The following ADAMTSL1 variants were observed in gnomAD, a reference collection of about 807,000 sequenced individuals.
The protein encoded by ADAMTSL1 is ADAMTS-like protein 1.
In ADAMTSL1, 126 loss-of-function variants were observed where a neutral mutation model predicts 201.8. That is an observed-to-expected ratio of 0.62 (90% CI 0.54 to 0.72). The LOEUF (loss-of-function observed/expected upper bound fraction) is 0.72, where lower values mean the gene tolerates loss of function less well. Ranked by LOEUF, ADAMTSL1 falls within the 30% of genes least tolerant of loss-of-function variation. ADAMTSL1 has a pLI of 0.00. For synonymous variants in ADAMTSL1, 1,121 were observed against 903.4 expected (o/e 1.24, Z -4.32); for missense variants, 2,679 against 2,277.8 (o/e 1.18, Z -3.59).
At chr9:18,363,705 T>C (rs1836630625) in intron 2 of ADAMTSL1, among the ~76,000 whole-genome samples, 1 of 152,192 alleles carries the variant, frequency 6.6e-6, no homozygotes, top group Non-Finnish European at 1.5e-5. Context: ...AAAGCCCTTC[T>C]GATTAATGCT....
intron 1 of ADAMTSL1, among the ~76,000 whole-genome samples, chr9:17,950,711 T>C (rs1827701121): frequency 1.3e-5 from 2 of 152,184 alleles, no homozygotes; most frequent in Non-Finnish European, 2.9e-5. Flanking sequence ...GATAAACATA[T>C]ACATTTATAT....
rs1242540764 is a variant in ADAMTSL1 at position 18,230,962 on chromosome 9, G to A, written c.207+66981G>A. Reference sequence around the variant, plus strand: ...TTGGGGGAATTTTCTCATGCCCCAAGAGGACACCATTTATCAATTTTGTTT... The same window carrying A: ...TTGGGGGAATTTTCTCATGCCCCAAAAGGACACCATTTATCAATTTTGTTT... On this transcript the variant is annotated intron_variant, in intron 2 of 29. Transcript: ENST00000680146. Among the ~76,000 whole-genome samples the A allele has an allele frequency of 2.0e-5, 3 of 152,142 alleles. 1 individual carries two copies. In the East Asian group the frequency reaches 5.8e-4, roughly 29 times the overall value.
At chr9:18,033,318 C>T (rs1039785187) in intron 1 of ADAMTSL1, among the ~76,000 whole-genome samples, 6 of 152,088 alleles carry the variant, frequency 3.9e-5, no homozygotes, top group Admixed American at 6.5e-5. Flanking sequence ...TCACTCATTC[C>T]ACAGTGTGTA....
At chr9:18,042,695 A>C (rs950953475) in intron 1 of ADAMTSL1, among the ~76,000 whole-genome samples, 3 of 152,184 alleles carry the variant, frequency 2.0e-5, no homozygotes, top group Admixed American at 1.3e-4. Context: ...GAAGCCAATC[A>C]AAATGGAAAG....
chr9:18,048,362 T>C (rs1473690093), intron 1 of ADAMTSL1, among the ~76,000 whole-genome samples: 1 of 152,168 alleles, frequency 6.6e-6, no homozygotes, highest in East Asian at 1.9e-4. Context: ...TTCCAGTTGG[T>C]TTTATGCACA....
At position 18,068,627 on chromosome 9, in the gene ADAMTSL1, G is replaced by T. The variant is rs374953775; in HGVS notation, c.88-95235G>T. Among the ~76,000 whole-genome samples the T allele has an allele frequency of 7.9e-5, 12 of 152,270 alleles. No individual in the cohort carries two copies. The South Asian group carries it at 2.3e-3, about 29-fold the overall frequency. ...AAAGGGAAACGCAAACCAAGCAGAG[G>T]TTCTCAGCTGGAGCCATGACTGACT... On this transcript the variant is annotated intron_variant, in intron 1 of 29. Transcript: ENST00000680146.
Position 18,753,279 on chromosome 9 carries a change from C to G in ADAMTSL1, c.2007-19C>G. The G allele has an allele frequency of 6.2e-7, 1 of 1,602,290 alleles. No individual in the cohort carries two copies. The highest frequency in any genetic ancestry group is 8.5e-7 in the Non-Finnish European group (1 of 1,173,894). On this transcript the variant is annotated intron_variant, in intron 15 of 28. Coordinates refer to ENST00000380548, the MANE Select transcript of ADAMTSL1 (RefSeq NM_001040272.6). ...CAGGTACTAAGGGTGTGTCCTCTTC[C>G]TCTCTGATTTCTTCTCAGGTGGGAA...
chr9:18,401,946 C>T (rs925301015), intron 2 of ADAMTSL1, among the ~76,000 whole-genome samples: 3 of 152,156 alleles, frequency 2.0e-5, no homozygotes. Flanking sequence ...ATTAAATGTG[C>T]ATATATCATA....
chr9:18,044,824 G>T (rs1403300786), intron 1 of ADAMTSL1, among the ~76,000 whole-genome samples: 3 of 152,132 alleles, frequency 2.0e-5, no homozygotes, highest in Admixed American at 6.5e-5. Flanking sequence ...CAGATCAGTT[G>T]GCTACTGGTG....
chr9:18,090,221 C>G (rs1182181447), intron 1 of ADAMTSL1, among the ~76,000 whole-genome samples: 2 of 152,098 alleles, frequency 1.3e-5, no homozygotes, highest in East Asian at 3.9e-4. Context: ...TGTAGAATTA[C>G]CATGTGATTC....
chr9:18,355,821 A>G (rs1836196529), intron 2 of ADAMTSL1, among the ~76,000 whole-genome samples: 1 of 152,228 alleles, frequency 6.6e-6, no homozygotes, highest in Non-Finnish European at 1.5e-5. Flanking sequence ...AGCCTAGGCA[A>G]CACAACAAGA....
intron 1 of ADAMTSL1, among the ~76,000 whole-genome samples, chr9:17,993,536 C>T (rs151333575): frequency 2.1e-4 from 32 of 152,172 alleles, no homozygotes; most frequent in Admixed American, 2.0e-3. Context: ...CATAAATTTT[C>T]GTTTTTGGGA....
Position 17,909,302 on chromosome 9 carries a change from C to T in ADAMTSL1, c.87+2380C>T, listed in dbSNP as rs1466848406. 4.8e-5 allele frequency among the ~76,000 whole-genome samples: 7 copies of T among 146,920 alleles called. No homozygotes were observed. The Admixed American group carries it at 4.8e-4, about 10-fold the overall frequency. On this transcript the variant is annotated intron_variant, in intron 1 of 29. Transcript: ENST00000680146. ...TTCACTCTGATGGTAGTTTCTTTTG[C>T]TGTGCAGAAGCTCTTTAGTTTAATG... is the stretch of plus-strand genomic sequence containing the variant.
At chr9:18,565,437 G>C (rs761202656) in intron 3 of ADAMTSL1, among the ~76,000 whole-genome samples, 7 of 151,740 alleles carry the variant, frequency 4.6e-5, no homozygotes, top group Non-Finnish European at 8.8e-5. Flanking sequence ...CAAAAGACTT[G>C]AGAGTTTGGG....
At chr9:18,509,208 AAAAAAAAAAAAAAAAAAAAAAAAAG>A in intron 2 of ADAMTSL1, among the ~76,000 whole-genome samples, 1 of 144,790 alleles carries the variant, frequency 6.9e-6, no homozygotes, top group Non-Finnish European at 1.5e-5. Flanking sequence ...AAAAAAAAAA[AAAAAAAAAAAAAAAAAAAAAAAAAG>A]AAATAGATAT....
intron 2 of ADAMTSL1, among the ~76,000 whole-genome samples, chr9:18,319,248 G>A (rs763024221): frequency 7.2e-5 from 11 of 152,120 alleles, no homozygotes; most frequent in Admixed American, 2.0e-4. Context: ...AATGTAAGCA[G>A]CATGCCTTTA....
At chr9:18,001,376 A>C (rs1819605426) in intron 1 of ADAMTSL1, among the ~76,000 whole-genome samples, 1 of 151,792 alleles carries the variant, frequency 6.6e-6, no homozygotes, top group African/African-American at 2.4e-5. Context: ...CCCAGTGCTT[A>C]GATAAGAGAT....
intron 1 of ADAMTSL1, among the ~76,000 whole-genome samples, chr9:17,918,265 C>T (rs1826179415): frequency 6.6e-6 from 1 of 151,538 alleles, no homozygotes; most frequent in African/African-American, 2.4e-5. Flanking sequence ...TTTGGATTCT[C>T]AAACACAGAT....
At chr9:18,482,432 T>C (rs1470303654) in intron 1 of ADAMTSL1, among the ~76,000 whole-genome samples, 3 of 152,360 alleles carry the variant, frequency 2.0e-5, no homozygotes, top group East Asian at 3.9e-4. Flanking sequence ...CTTCTGCCAT[T>C]CTCCAGCTAA....
Sources: allele counts gnomAD v4.1 joint callset (sites outside exome capture counted in the v4.1 genomes callset), GRCh38; gene constraint gnomAD v4.1.1; transcripts MANE v1.5; gene names NCBI Gene and HGNC (gene_info 2026-07-23, HGNC 2026-07-21).